The following SCAF11 variants were observed in gnomAD, a reference collection of about 807,000 sequenced individuals.
SCAF11 encodes SR-related CTD associated factor 11, also known as protein SCAF11.
A neutral mutation model predicts 140.5 loss-of-function variants in SCAF11; 47 were observed. The ratio of observed to expected loss-of-function variants is 0.33; its 90% CI spans 0.26 to 0.43. The LOEUF (loss-of-function observed/expected upper bound fraction) is 0.43, where lower values mean the gene tolerates loss of function less well. SCAF11 is among the 20% of genes least tolerant of loss of function. The pLI, the probability that SCAF11 is intolerant of heterozygous loss-of-function variation, is 1.00. For missense variants in SCAF11, 1,645 were observed against 1,705.1 expected (o/e 0.96, Z 0.62); for synonymous variants, 557 against 579.4 (o/e 0.96, Z 0.55).
chr12:45,975,649 G>C (rs543424475), intron 1 of SCAF11: 1 of 153,900 alleles, frequency 6.5e-6, no homozygotes, highest in African/African-American at 2.4e-5. Context: ...TGAGTTAAGA[G>C]AATGTTACGA....
At position 45,955,778 on chromosome 12, in the gene SCAF11, TACTG is replaced by T. The variant is rs543991788; in HGVS notation, c.220-4055_220-4052del. 32 of 179,472 alleles carry T rather than the reference TACTG, an allele frequency of 1.8e-4. No individual in the cohort carries two copies. The East Asian group carries it at 2.0e-3, about 11-fold the overall frequency. The allele number at this position is 179,472 out of a possible 1,614,324, so 11.1% of individuals were successfully genotyped here. On this transcript the variant is annotated intron_variant, in intron 3 of 14. Transcript: ENST00000369367. ...CCTTCAATGACTCACTTGTTTGAAT[TACTG>T]ACTTTCATTTCAATAATTTTTAAAG...
chr12:45,966,180 T>C (rs1249878667), intron 1 of SCAF11, among the ~76,000 whole-genome samples: 2 of 152,134 alleles, frequency 1.3e-5, no homozygotes, highest in Admixed American at 1.3e-4. Flanking sequence ...AACCCTATCA[T>C]ATGCAGAAAG....
rs762028200 is a variant in SCAF11 at position 45,951,657 on chromosome 12, T to A, written c.290A>T (p.Tyr97Phe). 6.3e-7 allele frequency: 1 copy of A among 1,580,154 alleles called. No individual in the cohort carries two copies. Among genetic ancestry groups the A allele is most frequent in the Non-Finnish European group, 8.6e-7 (1 of 1,159,836 alleles). Residue 97 changes from tyrosine to phenylalanine, a missense_variant, in exon 4 of 15, where the codon TAT becomes TTT. By Grantham distance (22) the Tyr-to-Phe change is conservative. This residue lies in a region of SCAF11 where 1,582 missense variants were observed against 1,609.2 expected (regional missense o/e 0.98). Transcript: ENST00000369367. Reference sequence around the variant, plus strand: ...CAGAATAAAAAGACTTACCTTAACATAACCTTCCAATGCACTGAATTTAAA... The same window carrying A: ...CAGAATAAAAAGACTTACCTTAACAAAACCTTCCAATGCACTGAATTTAAA... ...AVFKFSALEG[Y>F]VKVQVKKQLR...
chr12:45,933,193 A>T lies in SCAF11; in HGVS notation c.672T>A (p.Ile224=). The T allele has an allele frequency of 6.2e-7, 1 of 1,611,928 alleles. No individual in the cohort carries two copies. The highest frequency in any genetic ancestry group is 8.5e-7 in the Non-Finnish European group (1 of 1,179,030). The part of the protein sequence containing the change: ...FIEASEISAL[I]RQKRHELELS... ...ATTCCAGTTCATGTCTCTTCTGCCTAATCAATGCACTGATTTCACTGGCTT... is the reference window on the plus strand; with the variant it reads ...ATTCCAGTTCATGTCTCTTCTGCCTTATCAATGCACTGATTTCACTGGCTT... Residue 224 remains isoleucine, a synonymous_variant, in exon 9 of 15, where the codon ATT becomes ATA. Transcript: ENST00000369367.
intron 3 of SCAF11, among the ~76,000 whole-genome samples, chr12:45,959,080 A>G (rs1043132117): frequency 1.3e-5 from 2 of 152,134 alleles, no homozygotes; most frequent in South Asian, 2.1e-4. Context: ...AAATCTCAGA[A>G]AGCACAGAAA....
intron 12 of SCAF11, among the ~76,000 whole-genome samples, chr12:45,924,169 C>T (rs1181435885): frequency 1.3e-5 from 2 of 152,122 alleles, no homozygotes; most frequent in Non-Finnish European, 2.9e-5. Context: ...AAAAGGCAGT[C>T]ATAAAATTAT....
chr12:45,989,720 G>C (rs780265581), intron 1 of SCAF11, among the ~76,000 whole-genome samples: 15 of 152,278 alleles, frequency 9.9e-5, no homozygotes, highest in Admixed American at 2.6e-4. Context: ...TAAAACACTG[G>C]GGGTGGATGA....
At chr12:45,973,104 GCAAA>G (rs943776312) in intron 1 of SCAF11, among the ~76,000 whole-genome samples, 79 of 148,752 alleles carry the variant, frequency 5.3e-4, no homozygotes, top group African/African-American at 1.8e-3. Flanking sequence ...AAAGATCACA[GCAAA>G]CAAACAGAAG....
intron 1 of SCAF11, among the ~76,000 whole-genome samples, chr12:45,972,971 G>T (rs12830094): frequency 2.0e-4 from 25 of 124,036 alleles, no homozygotes; most frequent in South Asian, 5.3e-4. Context: ...TATATATATA[G>T]ATATATAGAT....
chr12:45,929,974 CCTTA>C (rs777670825), intron 10 of SCAF11: 3 of 152,282 alleles, frequency 2.0e-5, no homozygotes, highest in South Asian at 2.1e-4. Context: ...TCACCAGACT[CCTTA>C]CTGATAACAG....
In SCAF11 at chr12:45,920,105, G is replaced by T. The variant is rs1022123366; in HGVS notation, c.*1943C>A. 3 of 151,910 alleles carry T rather than the reference G, an allele frequency of 2.0e-5. No homozygotes were observed. Among genetic ancestry groups the T allele is most frequent in the African/African-American group, 7.3e-5 (3 of 41,340 alleles). The allele number at this position is 151,910 out of a possible 1,614,324, so 9.4% of individuals were successfully genotyped here. A position where few individuals can be genotyped will look rare whatever the true frequency, so the allele number is the denominator to read the frequency against. On this transcript the variant is annotated 3_prime_UTR_variant, in exon 15 of 15. Transcript: ENST00000369367. ...GAAATTTCTTTACCATAATCTAAACGCAAACTTTAAAAATATATACCAGTA... is the reference window on the plus strand; with the variant it reads ...GAAATTTCTTTACCATAATCTAAACTCAAACTTTAAAAATATATACCAGTA...
intron 2 of SCAF11, 151 bp from the exon 3 acceptor site, chr12:45,962,008 G>A: frequency 2.2e-6 from 1 of 456,526 alleles, no homozygotes. Flanking sequence ...TACTGCTTGA[G>A]CCCAACGTGC....
chr12:45,962,837 T>C (rs1945859548), intron 2 of SCAF11, among the ~76,000 whole-genome samples: 1 of 152,208 alleles, frequency 6.6e-6, no homozygotes, highest in Admixed American at 6.5e-5. Flanking sequence ...ACAAATCCTC[T>C]GGAGGAAAGA....
Position 45,931,222 on chromosome 12 carries a change from C to T in SCAF11, c.841+284G>A, listed in dbSNP as rs993249410. The T allele has an allele frequency of 4.0e-5, 7 of 176,666 alleles. No homozygotes were observed. The South Asian group carries it at 5.8e-4, about 15-fold the overall frequency. 10.9% of individuals were successfully genotyped at this position (176,666 alleles called of 1,614,324 possible). On this transcript the variant is annotated intron_variant, in intron 10 of 14. Coordinates refer to ENST00000369367, the MANE Select transcript of SCAF11 (RefSeq NM_004719.3). ...GCCTAATGTCCTCCAGGTTCATCCA[C>T]GTTGGCACAAACAAGATTTCCTTCT...
chr12:45,990,530 C>T lies in SCAF11; in HGVS notation c.-199G>A. ...CCGGAGGCGGCGGCGAAGCAGGGAGCGACCCAGGTTGCGCTGCTCCGCGCG... is the reference window on the plus strand; with the variant it reads ...CCGGAGGCGGCGGCGAAGCAGGGAGTGACCCAGGTTGCGCTGCTCCGCGCG... On this transcript the variant is annotated 5_prime_UTR_variant, in exon 1 of 15. Transcript: ENST00000369367. 8.1e-7 allele frequency: 1 copy of T among 1,231,876 alleles called. No individual in the cohort carries two copies. Among genetic ancestry groups the T allele is most frequent in the Non-Finnish European group, 1.0e-6 (1 of 988,156 alleles). The allele number at this position is 1,231,876 out of a possible 1,614,324, so 76.3% of individuals were successfully genotyped here.
rs17096346 is a variant in SCAF11, at chr12:45,944,591, G to A, written c.463+658C>T. ...ATGCCCACCTCCTCGCTTACAAACA[G>A]ATCATAGTAAGATGTTCTTTGGGAC... On this transcript the variant is annotated intron_variant, in intron 6 of 14. Transcript: ENST00000369367. Among the ~76,000 whole-genome samples the A allele has an allele frequency of 2.7e-3, 412 of 152,266 alleles. 1 individual carries two copies. The highest frequency in any genetic ancestry group is 9.4e-3 in the African/African-American group (391 of 41,552).
intron 1 of SCAF11, among the ~76,000 whole-genome samples, chr12:45,968,631 C>T (rs1298950072): frequency 6.6e-6 from 1 of 152,128 alleles, no homozygotes; most frequent in Non-Finnish European, 1.5e-5. Flanking sequence ...AGGCCAGCCA[C>T]TACACTGCAT....
In SCAF11 at chr12:45,932,467, C is replaced by T. The variant is rs35196486; in HGVS notation, c.734+664G>A. On this transcript the variant is annotated intron_variant, in intron 9 of 14. Transcript: ENST00000369367. The stretch of plus-strand genomic sequence containing the variant: ...CATAGTACATACATCTGGAATTCTT[C>T]ATCTGACTTCTATTATGTTCTGCCA... Among the ~76,000 whole-genome samples the T allele has an allele frequency of 3.3e-5, 5 of 152,202 alleles. No homozygotes were observed. In the South Asian group the frequency reaches 8.3e-4, roughly 25 times the overall value.
At chr12:45,991,468 G>A (rs1261340736), upstream of SCAF11, among the ~76,000 whole-genome samples, 1 of 152,166 alleles carries the variant, frequency 6.6e-6, no homozygotes, top group East Asian at 1.9e-4. Context: ...AAGATGAGGT[G>A]GGAGAATCGC....
Sources: gnomAD v4.1 joint callset for allele counts (sites outside exome capture counted in the v4.1 genomes callset) on GRCh38, gnomAD v4.1.1 for gene constraint, gnomAD v4.1.1 regional missense constraint, MANE v1.5 for transcripts, NCBI Gene and HGNC (gene_info 2026-07-23, HGNC 2026-07-21) for gene names.